BCL2: variants seen among roughly 807,000 people sequenced by gnomAD.
The protein encoded by BCL2 is apoptosis regulator Bcl-2.
In BCL2, 1 loss-of-function variant was observed where a neutral mutation model predicts 14.2. That is an observed-to-expected ratio of 0.07 (90% confidence interval 0.02 to 0.33). The LOEUF is 0.33. Ranked by LOEUF, BCL2 falls within the 10% of genes least tolerant of loss-of-function variation. The pLI, the probability that BCL2 is intolerant of heterozygous loss-of-function variation, is 0.99. For missense variants in BCL2, 247 were observed against 305.9 expected, an observed-to-expected ratio of 0.81 and a Z score of 1.44; for synonymous variants, 151 against 137.2, an observed-to-expected ratio of 1.10 and a Z score of -0.70.
chr18:63,173,124 A>G (rs965952193), intron 2 of BCL2, among the ~76,000 whole-genome samples: 1 of 152,276 alleles, frequency 6.6e-6, no homozygotes, highest in African/African-American at 2.4e-5. Flanking sequence ...TTCCAGAAAG[A>G]AACTGGCACA....
At chr18:63,223,084 C>G (rs957549733) in intron 2 of BCL2, among the ~76,000 whole-genome samples, 1 of 152,114 alleles carries the variant, frequency 6.6e-6, no homozygotes, top group Admixed American at 6.6e-5. Flanking sequence ...TGGAACTGTG[C>G]GGAAGGGAGA....
At chr18:63,247,934 T>A (rs1169615159) in intron 2 of BCL2, among the ~76,000 whole-genome samples, 1 of 152,052 alleles carries the variant, frequency 6.6e-6, no homozygotes, top group Non-Finnish European at 1.5e-5. Flanking sequence ...GAAAAAAAAA[T>A]TCCCCCAAAA....
intron 2 of BCL2, among the ~76,000 whole-genome samples, chr18:63,162,541 C>T (rs1468989168): frequency 6.6e-6 from 1 of 152,194 alleles, no homozygotes; most frequent in East Asian, 1.9e-4. Context: ...GCGGGTGACA[C>T]AGCTGGCCAG....
At chr18:63,284,970 G>C (rs1912429332) in intron 2 of BCL2, among the ~76,000 whole-genome samples, 1 of 152,178 alleles carries the variant, frequency 6.6e-6, no homozygotes, top group South Asian at 2.1e-4. Context: ...AAATGGAAAG[G>C]GGGAGTCAGG....
chr18:63,270,170 T>C (rs1228734984), intron 2 of BCL2, among the ~76,000 whole-genome samples: 1 of 152,152 alleles, frequency 6.6e-6, no homozygotes, highest in Non-Finnish European at 1.5e-5. Flanking sequence ...TTAACGTCTA[T>C]GGAGGGCAAT....
At chr18:63,306,554 C>G (rs569570166) in intron 2 of BCL2, among the ~76,000 whole-genome samples, 8 of 152,248 alleles carry the variant, frequency 5.3e-5, no homozygotes, top group Non-Finnish European at 1.2e-4. Context: ...GGCCTTTGTT[C>G]CTGAAGTTCT....
At chr18:63,310,962 G>A (rs1156590629) in intron 2 of BCL2, among the ~76,000 whole-genome samples, 2 of 151,894 alleles carry the variant, frequency 1.3e-5, no homozygotes, top group Non-Finnish European at 2.9e-5. Flanking sequence ...AAAGGATATG[G>A]CTAGGAGATA....
At chr18:63,238,843 T>C (rs1267626478) in intron 2 of BCL2, among the ~76,000 whole-genome samples, 2 of 152,198 alleles carry the variant, frequency 1.3e-5, no homozygotes, top group Non-Finnish European at 2.9e-5. Context: ...GTATGGATTG[T>C]GTGTTCTCTT....
Position 63,281,878 on chromosome 18 carries a change from C to T in BCL2, c.585+36204G>A, listed in dbSNP as rs371053818. Among the ~76,000 whole-genome samples, 314 of 152,238 alleles carry T rather than the reference C, an allele frequency of 2.1e-3. 3 individuals are homozygous for T. Among genetic ancestry groups the T allele is most frequent in the Middle Eastern group, 0.01 (3 of 294 alleles). On this transcript the variant is annotated intron_variant, in intron 2 of 2. Coordinates refer to ENST00000333681, the MANE Select transcript of BCL2 (RefSeq NM_000633.3). ...AGCCAACATGTCCACCTTAGGCTGA[C>T]GGTTTGTTTATTTGTGTTGTTGCTG...
intron 2 of BCL2, among the ~76,000 whole-genome samples, chr18:63,216,619 A>G (rs1256136708): frequency 3.3e-5 from 5 of 152,332 alleles, no homozygotes; most frequent in South Asian, 2.1e-4. Context: ...CTTGGAACCC[A>G]TATCAAGGAA....
rs182836384 is a variant in BCL2 at position 63,223,637 on chromosome 18, G to T, written c.585+94445C>A. 2.4e-4 allele frequency among the ~76,000 whole-genome samples: 37 copies of T among 152,330 alleles called. No homozygotes were observed. In the East Asian group the frequency reaches 6.6e-3, roughly 27 times the overall value. On this transcript the variant is annotated intron_variant, in intron 2 of 2. Transcript: ENST00000333681. ...GTCTCATTCCTCATCTCAGCTCCCA[G>T]CCTGGGACAGGCAGGGCGGCATCTT...
At chr18:63,278,813 CAG>C (rs575398565) in intron 2 of BCL2, among the ~76,000 whole-genome samples, 17 of 152,090 alleles carry the variant, frequency 1.1e-4, no homozygotes, top group Non-Finnish European at 2.4e-4. Context: ...ATAAGTAAGA[CAG>C]TGTGGCATTG....
chr18:63,265,212 C>A (rs1911792178), intron 2 of BCL2, among the ~76,000 whole-genome samples: 1 of 152,102 alleles, frequency 6.6e-6, no homozygotes, highest in Admixed American at 6.5e-5. Flanking sequence ...AGGGGAAGGG[C>A]CACAATGGCA....
intron 2 of BCL2, among the ~76,000 whole-genome samples, chr18:63,269,352 GTA>G (rs1182560054): frequency 3.3e-5 from 5 of 152,130 alleles, no homozygotes; most frequent in African/African-American, 1.2e-4. Context: ...TTTCCCACTT[GTA>G]GAGATTCATG....
At chr18:63,255,992 A>T (rs926292183) in intron 2 of BCL2, among the ~76,000 whole-genome samples, 8 of 151,868 alleles carry the variant, frequency 5.3e-5, no homozygotes, top group African/African-American at 1.9e-4. Flanking sequence ...AACCAATCTT[A>T]ATCCCAATCT....
intron 2 of BCL2, among the ~76,000 whole-genome samples, chr18:63,234,247 C>A (rs1038846417): frequency 5.9e-5 from 9 of 152,136 alleles, no homozygotes; most frequent in African/African-American, 1.7e-4. Context: ...CCTCCTCCTG[C>A]CCCCTCCAAT....
intron 2 of BCL2, among the ~76,000 whole-genome samples, chr18:63,237,229 C>T (rs559145729): frequency 2.3e-4 from 35 of 152,200 alleles, no homozygotes; most frequent in African/African-American, 8.4e-4. Flanking sequence ...TATGCACCAT[C>T]CCATCCAAGG....
At chr18:63,218,616 C>CAT (rs142099126) in intron 2 of BCL2, among the ~76,000 whole-genome samples, 9 of 646 alleles carry the variant, frequency 0.014, no homozygotes, top group South Asian at 0.11. Context: ...CCACTCATCC[C>CAT]CCTCCACTCA....
rs566150424 is a variant in BCL2 at position 63,147,660 on chromosome 18, G to A, written c.586-18901C>T. On this transcript the variant is annotated intron_variant, in intron 2 of 2. Coordinates refer to ENST00000333681, the MANE Select transcript of BCL2 (RefSeq NM_000633.3). The stretch of plus-strand genomic sequence containing the variant: ...TAAGAATCTACCCAAGAGATACTCC[G>A]ACAGCTCAAATGGCATGAAAAACAT... Among the ~76,000 whole-genome samples the A allele has an allele frequency of 5.9e-5, 9 of 152,268 alleles. No homozygotes were observed. In the South Asian group the frequency reaches 1.7e-3, roughly 28 times the overall value.
Sources: allele counts gnomAD v4.1 joint callset (sites outside exome capture counted in the v4.1 genomes callset), GRCh38; gene constraint gnomAD v4.1.1; transcripts MANE v1.5; gene names NCBI Gene and HGNC (gene_info 2026-07-23, HGNC 2026-07-21).